PACS1: variants seen among roughly 807,000 people sequenced by gnomAD.
PACS1 encodes PACS-1.
Under a neutral mutation model 115.0 loss-of-function variants are expected in PACS1, and 24 were observed. That is an observed-to-expected ratio of 0.21 (90% CI 0.15 to 0.29). PACS1 has a LOEUF of 0.29. Ranked by LOEUF, PACS1 falls within the 10% of genes least tolerant of loss-of-function variation. PACS1 has a pLI of 1.00. For missense variants in PACS1, 838 were observed against 1,251.2 expected (o/e 0.67, Z 4.98); for synonymous variants, 453 against 504.5 (o/e 0.90, Z 1.37).
rs1855579506 is a variant in PACS1 at position 66,230,928 on chromosome 11, C to T, written c.1614C>T (p.Gly538=). The change falls in exon 13 of 24, where the codon GGC becomes GGT. Residue 538 remains glycine, a synonymous_variant. Coordinates refer to ENST00000320580, the MANE Select transcript of PACS1 (RefSeq NM_018026.4). ...ACAGCGAGCGCTCCCCAGATCTGGG[C>T]CACAGCACGCAGGTACTTCTGGGTG... ...SSDSERSPDL[G]HSTQIPRKVV... 2 of 1,614,022 alleles carry T rather than the reference C, an allele frequency of 1.2e-6. No individual in the cohort carries two copies. Among genetic ancestry groups the T allele is most frequent in the Admixed American group, 1.7e-5 (1 of 60,010 alleles).
chr11:66,159,228 G>C lies in PACS1; in HGVS notation c.357-34258G>C, dbSNP rs566460722. 2.6e-5 allele frequency among the ~76,000 whole-genome samples: 4 copies of C among 152,176 alleles called. No homozygotes were observed. In the South Asian group the frequency reaches 6.2e-4, roughly 24 times the overall value. On this transcript the variant is annotated intron_variant, in intron 1 of 23. Coordinates refer to ENST00000320580, the MANE Select transcript of PACS1 (RefSeq NM_018026.4). ...CAAGGCAGGTGGATCACCTGAAGTC[G>C]GGAGTTCGAGACCAGCCTGACCAAC...
chr11:66,113,304 G>C (rs1858228324), intron 1 of PACS1, among the ~76,000 whole-genome samples: 1 of 152,138 alleles, frequency 6.6e-6, no homozygotes, highest in Non-Finnish European at 1.5e-5. Context: ...AGTTCTCCTA[G>C]CTACCTGCTG....
intron 1 of PACS1, among the ~76,000 whole-genome samples, chr11:66,126,896 A>G (rs1590762208): frequency 6.6e-6 from 1 of 152,050 alleles, no homozygotes; most frequent in East Asian, 1.9e-4. Context: ...CCTCGTCGCT[A>G]TTAGTGCAAC....
At chr11:66,193,622 C>A in intron 2 of PACS1, 49 bp downstream of exon 2, 1 of 1,323,530 alleles carries the variant, frequency 7.6e-7, no homozygotes, top group South Asian at 1.2e-5. Flanking sequence ...GCTGGATAAC[C>A]ATTTGCCCAC....
chr11:66,237,072 C>G (rs1216585787), intron 19 of PACS1, among the ~76,000 whole-genome samples: 1 of 152,212 alleles, frequency 6.6e-6, no homozygotes, highest in South Asian at 2.1e-4. Flanking sequence ...GCACGTGCCA[C>G]CACACCCAGC....
At chr11:66,141,664 A>AG (rs879518615) in intron 1 of PACS1, among the ~76,000 whole-genome samples, 8 of 151,996 alleles carry the variant, frequency 5.3e-5, no homozygotes, top group Non-Finnish European at 8.8e-5. Context: ...AAAAAAAAAA[A>AG]AAAAATGCTC....
intron 2 of PACS1, among the ~76,000 whole-genome samples, chr11:66,194,763 A>AT (rs1854611534): frequency 1.3e-5 from 2 of 152,192 alleles, no homozygotes; most frequent in Non-Finnish European, 2.9e-5. Flanking sequence ...ACTAACCAGA[A>AT]TATTTTATTA....
At chr11:66,132,569 T>C (rs948219474) in intron 1 of PACS1, among the ~76,000 whole-genome samples, 1 of 152,298 alleles carries the variant, frequency 6.6e-6, no homozygotes, top group South Asian at 2.1e-4. Flanking sequence ...GCTATGTAAA[T>C]TGTTGTTATA....
intron 21 of PACS1, 71 bp downstream of exon 21, chr11:66,239,348 C>G (rs1341822599): frequency 7.1e-6 from 11 of 1,542,298 alleles, no homozygotes; most frequent in African/African-American, 1.4e-5. Context: ...CAGTGACAGG[C>G]GCATGGGCTT....
rs1363314839 is a variant in PACS1, at chr11:66,233,781, C to T, written c.1839-4C>T. On this transcript the variant is annotated splice_polypyrimidine_tract_variant and splice_region_variant and intron_variant, in intron 15 of 23. Coordinates refer to ENST00000320580, the MANE Select transcript of PACS1 (RefSeq NM_018026.4). The surrounding 1 kb of genome is among the most constrained non-coding windows in gnomAD (Gnocchi z 4.5). ...ACTGCTATGACGCTCCCCTTCCTCC[C>T]CAGCTGCAACTGCAACTCTTCCATG... 5.6e-6 allele frequency: 9 copies of T among 1,613,252 alleles called. No individual in the cohort carries two copies. The highest frequency in any genetic ancestry group is 1.7e-5 in the Admixed American group (1 of 59,894).
At chr11:66,219,873 G>GTACA (rs1485497738) in intron 8 of PACS1, 68 bp downstream of exon 8, 2 of 1,090,394 alleles carry the variant, frequency 1.8e-6, no homozygotes, top group African/African-American at 3.1e-5. Flanking sequence ...CATCCCTGGA[G>GTACA]TACACTCTGT....
In PACS1 at chr11:66,235,457, T is replaced by C; in HGVS notation, c.2207+54T>C. The C allele has an allele frequency of 8.2e-7, 1 of 1,220,550 alleles. No homozygotes were observed. Among genetic ancestry groups the C allele is most frequent in the Non-Finnish European group, 1.2e-6 (1 of 826,648 alleles). The allele number at this position is 1,220,550 out of a possible 1,614,324, so 75.6% of individuals were successfully genotyped here. On this transcript the variant is annotated intron_variant, in intron 18 of 23. Coordinates refer to ENST00000320580, the MANE Select transcript of PACS1 (RefSeq NM_018026.4). This position sits in a 1 kb window ranked among gnomAD's most constrained non-coding sequence, Gnocchi z 5.6. ...AAATAGGTTGGGTGGGTTAGAGGAATCTTGAGTCTTCCTTGCTTTCTCACA... is the reference window on the plus strand; with the variant it reads ...AAATAGGTTGGGTGGGTTAGAGGAACCTTGAGTCTTCCTTGCTTTCTCACA...
At chr11:66,071,085 C>T (rs1171229530) in intron 1 of PACS1, among the ~76,000 whole-genome samples, 1 of 152,198 alleles carries the variant, frequency 6.6e-6, no homozygotes, top group Non-Finnish European at 1.5e-5. Flanking sequence ...CTTCTGGCCT[C>T]GGCCCCGGGC....
At chr11:66,186,830 G>T (rs931889032) in intron 1 of PACS1, among the ~76,000 whole-genome samples, 1 of 148,614 alleles carries the variant, frequency 6.7e-6, no homozygotes. Context: ...TATAAGCCCT[G>T]TGGGTTTCTG....
rs1006075238 is a variant in PACS1 at position 66,207,599 on chromosome 11, G to A, written c.445-2763G>A. Reference sequence around the variant, plus strand: ...TTTTTATAGTTTATTTGATGCATTCGGTCTTCAGTTGCCACTATAGCACTC... The same window carrying A: ...TTTTTATAGTTTATTTGATGCATTCAGTCTTCAGTTGCCACTATAGCACTC... On this transcript the variant is annotated intron_variant, in intron 2 of 23. Coordinates refer to ENST00000320580, the MANE Select transcript of PACS1 (RefSeq NM_018026.4). Among the ~76,000 whole-genome samples the A allele has an allele frequency of 5.9e-5, 9 of 152,148 alleles. 1 individual carries two copies. In the South Asian group the frequency reaches 1.0e-3, roughly 18 times the overall value.
chr11:66,075,368 G>A (rs553331900), intron 1 of PACS1, among the ~76,000 whole-genome samples: 1 of 152,082 alleles, frequency 6.6e-6, no homozygotes, highest in East Asian at 1.9e-4. Flanking sequence ...AGCCTCCTGA[G>A]TAGCTGGGAC....
chr11:66,222,905 G>A (rs555351477), intron 10 of PACS1, among the ~76,000 whole-genome samples: 7 of 152,048 alleles, frequency 4.6e-5, no homozygotes, highest in Admixed American at 1.3e-4. Flanking sequence ...CGCCCCACGT[G>A]ACGTTAGTGA....
At chr11:66,140,676 CT>C (rs1226247605) in intron 1 of PACS1, among the ~76,000 whole-genome samples, 1 of 152,190 alleles carries the variant, frequency 6.6e-6, no homozygotes, top group Non-Finnish European at 1.5e-5. Context: ...TTCCTCACCC[CT>C]CCAACCCTGC....
chr11:66,076,287 C>A, intron 1 of PACS1, among the ~76,000 whole-genome samples: 1 of 152,208 alleles, frequency 6.6e-6, no homozygotes, highest in Non-Finnish European at 1.5e-5. Flanking sequence ...TTAGCTAAGC[C>A]AGTAAGTTGT....
Sources: allele counts gnomAD v4.1 joint callset (sites outside exome capture counted in the v4.1 genomes callset), GRCh38; gene constraint gnomAD v4.1.1; non-coding constraint Gnocchi (gnomAD v3.1); transcripts MANE v1.5; gene names NCBI Gene and HGNC (gene_info 2026-07-23, HGNC 2026-07-21).